CNTNAP5: variants seen among roughly 807,000 people sequenced by gnomAD.
CNTNAP5 encodes the protein contactin-associated protein-like 5.
Under a neutral mutation model 150.2 loss-of-function variants are expected in CNTNAP5, and 72 were observed. The ratio of observed to expected loss-of-function variants is 0.48; its 90% confidence interval spans 0.40 to 0.58. The LOEUF (loss-of-function observed/expected upper bound fraction) is 0.58, where lower values mean the gene tolerates loss of function less well. Among genes scored for constraint, CNTNAP5 ranks in the 20% least tolerant of loss-of-function variants. The probability of loss-of-function intolerance (pLI) is 0.00; values close to 1 mark genes in which losing one functional copy is unlikely to be tolerated. For missense variants in CNTNAP5, 1,636 were observed against 1,626.2 expected (o/e 1.01, Z -0.10); for synonymous variants, 672 against 619.8 (o/e 1.08, Z -1.25).
At chr2:124,240,591 C>A (rs754673409) in intron 2 of CNTNAP5, among the ~76,000 whole-genome samples, 8 of 152,060 alleles carry the variant, frequency 5.3e-5, no homozygotes, top group Admixed American at 2.0e-4. Flanking sequence ...AAATCACATT[C>A]CACAATAGAT....
intron 3 of CNTNAP5, among the ~76,000 whole-genome samples, chr2:124,310,640 A>G (rs1414844621): frequency 6.6e-6 from 1 of 151,650 alleles, no homozygotes; most frequent in Non-Finnish European, 1.5e-5. Flanking sequence ...GTATTTTTAG[A>G]TCTCTTCAAA....
chr2:124,225,979 T>C (rs1029311467), intron 2 of CNTNAP5, among the ~76,000 whole-genome samples: 3 of 152,146 alleles, frequency 2.0e-5, no homozygotes, highest in African/African-American at 7.2e-5. Flanking sequence ...TAATATTCCA[T>C]TGTATAAATG....
chr2:124,486,276 A>G (rs1159741572), intron 7 of CNTNAP5, among the ~76,000 whole-genome samples: 3 of 152,156 alleles, frequency 2.0e-5, no homozygotes, highest in South Asian at 4.1e-4. Flanking sequence ...TATAATCATA[A>G]TAAAACGGAC....
At chr2:124,352,254 T>A (rs1689889355) in intron 3 of CNTNAP5, among the ~76,000 whole-genome samples, 1 of 152,192 alleles carries the variant, frequency 6.6e-6, no homozygotes, top group Non-Finnish European at 1.5e-5. Flanking sequence ...GTTGACCAAG[T>A]AATTTTGAAG....
intron 1 of CNTNAP5, among the ~76,000 whole-genome samples, chr2:124,203,057 T>C (rs1172445721): frequency 6.6e-6 from 1 of 152,040 alleles, no homozygotes; most frequent in Non-Finnish European, 1.5e-5. Flanking sequence ...GCAAGTCCCT[T>C]TTGCCTATAA....
At chr2:124,182,450 A>T (rs56321724) in intron 1 of CNTNAP5, among the ~76,000 whole-genome samples, 29,802 of 152,108 alleles carry the variant, frequency 0.2, 3,034 homozygotes, top group Non-Finnish European at 0.22. Context: ...AAGCGGAAGT[A>T]ACTTGCCAAA....
chr2:124,522,319 C>G (rs964976118), intron 8 of CNTNAP5, among the ~76,000 whole-genome samples: 39 of 152,180 alleles, frequency 2.6e-4, no homozygotes, highest in Non-Finnish European at 2.2e-4. Context: ...GCTCTGAATC[C>G]ATCACTTACT....
chr2:124,126,012 G>T (rs1178364132), intron 1 of CNTNAP5, among the ~76,000 whole-genome samples: 1 of 152,106 alleles, frequency 6.6e-6, no homozygotes, highest in Non-Finnish European at 1.5e-5. Context: ...AACTGCAGAA[G>T]CAAGAGCAAA....
At chr2:124,798,364 T>C in intron 19 of CNTNAP5, 44 bp downstream of exon 19, 1 of 1,414,022 alleles carries the variant, frequency 7.1e-7, no homozygotes, top group Non-Finnish European at 1.0e-6. Flanking sequence ...CAGCCTGGGC[T>C]GGAGGGACGG....
chr2:124,222,322 T>C (rs1391573917), intron 2 of CNTNAP5, among the ~76,000 whole-genome samples: 1 of 152,122 alleles, frequency 6.6e-6, no homozygotes, highest in Non-Finnish European at 1.5e-5. Flanking sequence ...ATCTTTAACA[T>C]CTGTGTGAAG....
At chr2:124,638,225 TGATA>T (rs1249949752) in intron 12 of CNTNAP5, among the ~76,000 whole-genome samples, 1 of 150,152 alleles carries the variant, frequency 6.7e-6, no homozygotes, top group Admixed American at 6.7e-5. Context: ...TACATATATA[TGATA>T]CATATATATG....
At chr2:124,410,928 A>G (rs1208438903) in intron 3 of CNTNAP5, among the ~76,000 whole-genome samples, 1 of 152,050 alleles carries the variant, frequency 6.6e-6, no homozygotes, top group Non-Finnish European at 1.5e-5. Flanking sequence ...TCAAAAAATT[A>G]ATGAATCCAG....
At chr2:124,091,890 C>T (rs1326752283) in intron 1 of CNTNAP5, among the ~76,000 whole-genome samples, 1 of 152,148 alleles carries the variant, frequency 6.6e-6, no homozygotes, top group Non-Finnish European at 1.5e-5. Flanking sequence ...TTGAAAACCC[C>T]AAGTAGGTCA....
intron 8 of CNTNAP5, among the ~76,000 whole-genome samples, chr2:124,513,741 A>C (rs188522146): frequency 5.2e-4 from 79 of 152,298 alleles, no homozygotes; most frequent in Admixed American, 9.2e-4. Flanking sequence ...AGGGGGGAGT[A>C]CTAATTAGGT....
chr2:124,686,890 C>T (rs996384897), intron 13 of CNTNAP5, among the ~76,000 whole-genome samples: 9 of 151,938 alleles, frequency 5.9e-5, no homozygotes, highest in Non-Finnish European at 1.2e-4. Context: ...TTTAAAAATC[C>T]CAAGTAAATT....
intron 1 of CNTNAP5, among the ~76,000 whole-genome samples, chr2:124,158,490 T>C (rs558288751): frequency 6.6e-6 from 1 of 152,326 alleles, no homozygotes; most frequent in South Asian, 2.1e-4. Flanking sequence ...AATACTACCA[T>C]GTGTGGCCAA....
chr2:124,797,559 C>T (rs900763976), intron 18 of CNTNAP5, among the ~76,000 whole-genome samples: 8 of 152,270 alleles, frequency 5.3e-5, no homozygotes, highest in African/African-American at 1.7e-4. Context: ...TTGCTGTTTT[C>T]GTTGTTCTTC....
chr2:124,708,437 G>T (rs17393237), intron 13 of CNTNAP5, among the ~76,000 whole-genome samples: 1 of 152,112 alleles, frequency 6.6e-6, no homozygotes, highest in Non-Finnish European at 1.5e-5. Flanking sequence ...TGATCTCGCT[G>T]TCATCTCCAT....
At chr2:124,088,853 C>G (rs140491391) in intron 1 of CNTNAP5, among the ~76,000 whole-genome samples, 2 of 152,102 alleles carry the variant, frequency 1.3e-5, no homozygotes, top group African/African-American at 4.8e-5. Flanking sequence ...ATCTCATGGA[C>G]GTGGAAGTGC....
Sources: allele counts gnomAD v4.1 joint callset (sites outside exome capture counted in the v4.1 genomes callset), GRCh38; gene constraint gnomAD v4.1.1; transcripts MANE v1.5; gene names NCBI Gene and HGNC (gene_info 2026-07-23, HGNC 2026-07-21).